FHAD1: variants seen among roughly 807,000 people sequenced by gnomAD.
FHAD1 encodes the protein forkhead associated phosphopeptide binding domain 1.
Under a neutral mutation model 191.3 loss-of-function variants are expected in FHAD1, and 146 were observed. The ratio of observed to expected loss-of-function variants is 0.76; its 90% CI spans 0.67 to 0.88. The LOEUF is 0.88. Ranked by LOEUF, FHAD1 falls within the 40% of genes least tolerant of loss-of-function variation. The pLI, the probability that FHAD1 is intolerant of heterozygous loss-of-function variation, is 0.00. For missense variants in FHAD1, 1,635 were observed against 1,785.8 expected, an observed-to-expected ratio of 0.92 and a Z score of 1.52; for synonymous variants, 616 against 672.3, an observed-to-expected ratio of 0.92 and a Z score of 1.29.
intron 14 of FHAD1, among the ~76,000 whole-genome samples, chr1:15,330,890 G>A (rs1031075010): frequency 2.0e-5 from 3 of 152,286 alleles, no homozygotes; most frequent in South Asian, 2.1e-4. Flanking sequence ...GGTGGCAAGT[G>A]GACAACGTCC....
intron 2 of FHAD1, among the ~76,000 whole-genome samples, chr1:15,267,035 T>C (rs967967757): frequency 6.6e-6 from 1 of 152,146 alleles, no homozygotes; most frequent in Admixed American, 6.5e-5. Context: ...GCTATAAACA[T>C]GCATCCAAAA....
At chr1:15,333,495 T>A (rs919695833) in intron 14 of FHAD1, among the ~76,000 whole-genome samples, 1 of 152,238 alleles carries the variant, frequency 6.6e-6, no homozygotes, top group Non-Finnish European at 1.5e-5. Flanking sequence ...ACAGTAATTC[T>A]ATGAGTTAAT....
intron 14 of FHAD1, among the ~76,000 whole-genome samples, chr1:15,337,109 C>G (rs1684493624): frequency 6.6e-6 from 1 of 152,224 alleles, no homozygotes; most frequent in Non-Finnish European, 1.5e-5. Flanking sequence ...GGTGGGGTCC[C>G]TGGCCAGGGG....
chr1:15,285,598 T>C (rs944030024), intron 3 of FHAD1, among the ~76,000 whole-genome samples: 49 of 152,076 alleles, frequency 3.2e-4, no homozygotes, highest in African/African-American at 1.2e-3. Flanking sequence ...CTGATTGCAG[T>C]CTTTGCTGCA....
chr1:15,342,524 T>A (rs910532362), intron 16 of FHAD1, among the ~76,000 whole-genome samples: 1 of 152,220 alleles, frequency 6.6e-6, no homozygotes, highest in Non-Finnish European at 1.5e-5. Flanking sequence ...CAAAGTTTCC[T>A]GATAAGAACC....
intron 10 of FHAD1, among the ~76,000 whole-genome samples, chr1:15,322,959 C>T (rs1037772755): frequency 3.3e-5 from 5 of 152,096 alleles, no homozygotes; most frequent in African/African-American, 7.2e-5. Context: ...GCGAAAGGCA[C>T]TTCTTACATG....
intron 1 of FHAD1, among the ~76,000 whole-genome samples, chr1:15,237,613 G>T (rs536623153): frequency 6.6e-6 from 1 of 152,182 alleles, no homozygotes; most frequent in East Asian, 1.9e-4. Context: ...TGTCCCCCTT[G>T]TTTCTTGACA....
intron 3 of FHAD1, among the ~76,000 whole-genome samples, chr1:15,278,535 A>G (rs893713504): frequency 7.2e-6 from 1 of 138,056 alleles, no homozygotes; most frequent in Non-Finnish European, 1.5e-5. Context: ...GTGCAGTGGC[A>G]CGATCTCAGT....
At chr1:15,380,611 T>A in intron 28 of FHAD1, 90 bp from the exon 29 acceptor site, 1 of 1,017,696 alleles carries the variant, frequency 9.8e-7, no homozygotes, top group South Asian at 1.4e-5. Flanking sequence ...CTTGAGTTAA[T>A]CTTCGGTAAT....
chr1:15,338,482 G>A (rs1443463625), intron 14 of FHAD1, among the ~76,000 whole-genome samples: 4 of 152,086 alleles, frequency 2.6e-5, no homozygotes, highest in Non-Finnish European at 5.9e-5. Flanking sequence ...ATGACATTGG[G>A]TCCACCCAGA....
At position 15,289,283 on chromosome 1, in the gene FHAD1, C is replaced by T. The variant is rs564011325; in HGVS notation, c.301-116C>T. The T allele has an allele frequency of 2.0e-5, 27 of 1,377,860 alleles. No individual in the cohort carries two copies. Among genetic ancestry groups the T allele is most frequent in the Admixed American group, 2.6e-5 (1 of 38,346 alleles). 85.4% of individuals were successfully genotyped at this position (1,377,860 alleles called of 1,614,324 possible). A position where few individuals can be genotyped will look rare whatever the true frequency, so the allele number is the denominator to read the frequency against. ...GATTATAGCTGTGTGCCACCCTGCC[C>T]GACCGGAAGTGACTCATAAACCAAG... On this transcript the variant is annotated intron_variant, in intron 3 of 33. Coordinates refer to ENST00000688493, the MANE Select transcript of FHAD1 (RefSeq NM_001391957.1). This position sits in a 1 kb window ranked among gnomAD's most constrained non-coding sequence, Gnocchi z 4.2.
At chr1:15,385,981 C>G (rs902698439) in intron 31 of FHAD1, among the ~76,000 whole-genome samples, 81 of 152,196 alleles carry the variant, frequency 5.3e-4, no homozygotes, top group Non-Finnish European at 1.5e-4. Flanking sequence ...TGTGCCCAAT[C>G]TAGTCCACTT....
Position 15,274,968 on chromosome 1 carries a change from CT to C in FHAD1, c.300+2451del, listed in dbSNP as rs549816972. Among the ~76,000 whole-genome samples, 553 of 147,780 alleles carry C rather than the reference CT, an allele frequency of 3.7e-3. 3 individuals are homozygous for C. Among genetic ancestry groups the C allele is most frequent in the African/African-American group, 9.0e-3 (365 of 40,586 alleles). ...TGGTTTTCAAAGACAACAAAGCACA[CT>C]TTTTTTTTTTTGAGACGGAGTCTCA... On this transcript the variant is annotated intron_variant, in intron 3 of 33. Coordinates refer to ENST00000688493, the MANE Select transcript of FHAD1 (RefSeq NM_001391957.1).
At chr1:15,395,029 A>G (rs1557473830) in intron 33 of FHAD1, among the ~76,000 whole-genome samples, 1 of 152,130 alleles carries the variant, frequency 6.6e-6, no homozygotes, top group African/African-American at 2.4e-5. Context: ...AACCTATGGG[A>G]AAGGCTGGGT....
In FHAD1 at chr1:15,312,653, C is replaced by A. The variant is rs377631710; in HGVS notation, c.1040-404C>A. 6.6e-6 allele frequency among the ~76,000 whole-genome samples: 1 copy of A among 152,220 alleles called. No individual in the cohort carries two copies. Among genetic ancestry groups the A allele is most frequent in the East Asian group, 1.9e-4 (1 of 5,172 alleles). Reference sequence around the variant, plus strand: ...CTCCAGCCTGGGTGACAGAGTAAGACCCTGTCTCAAGAAAAAAGACGACTG... The same window carrying A: ...CTCCAGCCTGGGTGACAGAGTAAGAACCTGTCTCAAGAAAAAAGACGACTG... On this transcript the variant is annotated intron_variant, in intron 7 of 33. Coordinates refer to ENST00000688493, the MANE Select transcript of FHAD1 (RefSeq NM_001391957.1). This position sits in a 1 kb window ranked among gnomAD's most constrained non-coding sequence, Gnocchi z 4.7.
chr1:15,384,434 T>G (rs1701624879), intron 31 of FHAD1: 1 of 152,432 alleles, frequency 6.6e-6, no homozygotes, highest in African/African-American at 2.4e-5. Context: ...CCCGAGGCAG[T>G]GTCCCCCAGG....
At chr1:15,382,561 A>C (rs989893975) in intron 31 of FHAD1, among the ~76,000 whole-genome samples, 3 of 152,170 alleles carry the variant, frequency 2.0e-5, no homozygotes, top group African/African-American at 7.2e-5. Context: ...CACCCAGTAA[A>C]TATTTGGTGA....
intron 19 of FHAD1, among the ~76,000 whole-genome samples, chr1:15,352,138 A>G (rs892573346): frequency 6.6e-6 from 1 of 152,210 alleles, no homozygotes; most frequent in Non-Finnish European, 1.5e-5. Flanking sequence ...TGTCACTTAC[A>G]TTTCAGTACA....
chr1:15,309,535 G>T (rs918943645), intron 7 of FHAD1, among the ~76,000 whole-genome samples: 4 of 152,348 alleles, frequency 2.6e-5, no homozygotes, highest in African/African-American at 9.6e-5. Context: ...CACTCAGGGG[G>T]TGAAGTGAAG....
Sources: allele counts gnomAD v4.1 joint callset (sites outside exome capture counted in the v4.1 genomes callset), GRCh38; gene constraint gnomAD v4.1.1; non-coding constraint Gnocchi (gnomAD v3.1); transcripts MANE v1.5; gene names NCBI Gene and HGNC (gene_info 2026-07-23, HGNC 2026-07-21).